PPFIA1: variants seen among roughly 807,000 people sequenced by gnomAD.
The protein encoded by PPFIA1 is liprin-alpha-1.
In PPFIA1, 25 loss-of-function variants were observed where a neutral mutation model predicts 149.9. The ratio of observed to expected loss-of-function variants is 0.17; its 90% CI spans 0.12 to 0.23. The LOEUF (loss-of-function observed/expected upper bound fraction) is 0.23, where lower values mean the gene tolerates loss of function less well. Among genes scored for constraint, PPFIA1 ranks in the 10% least tolerant of loss-of-function variants. The probability of loss-of-function intolerance (pLI) is 1.00; values close to 1 mark genes in which losing one functional copy is unlikely to be tolerated. For missense variants in PPFIA1, 1,362 were observed against 1,506.5 expected (o/e 0.90, Z 1.59); for synonymous variants, 549 against 552.8 (o/e 0.99, Z 0.10).
chr11:70,277,052 A>ATTTTT (rs2050432989), intron 2 of PPFIA1, among the ~76,000 whole-genome samples: 1 of 29,012 alleles, frequency 3.4e-5, no homozygotes, highest in African/African-American at 1.6e-4. Context: ...ATATATATAT[A>ATTTTT]TATATATATT....
chr11:70,357,524 T>C (rs1407207328), intron 19 of PPFIA1, among the ~76,000 whole-genome samples: 1 of 152,156 alleles, frequency 6.6e-6, no homozygotes, highest in Non-Finnish European at 1.5e-5. Context: ...TAAATGGAAA[T>C]TTATAGAAAC....
chr11:70,345,630 C>T (rs1248396761), intron 15 of PPFIA1, among the ~76,000 whole-genome samples: 1 of 151,856 alleles, frequency 6.6e-6, no homozygotes. Context: ...TCAGACCAGC[C>T]TTGGCAACAT....
intron 16 of PPFIA1, chr11:70,350,947 A>G (rs1240226737): frequency 3.5e-6 from 4 of 1,157,836 alleles, no homozygotes; most frequent in Non-Finnish European, 4.5e-6. Context: ...TTCAAAGTGT[A>G]TATAGTAAAT....
At chr11:70,274,180 A>C (rs900013947) in intron 2 of PPFIA1, among the ~76,000 whole-genome samples, 1 of 152,220 alleles carries the variant, frequency 6.6e-6, no homozygotes, top group Non-Finnish European at 1.5e-5. Context: ...CATCTGGTTC[A>C]TCTTTGGTGG....
intron 16 of PPFIA1, chr11:70,350,076 G>C: frequency 2.5e-6 from 1 of 393,688 alleles, no homozygotes; most frequent in Non-Finnish European, 5.0e-6. Context: ...TCATGTTTGT[G>C]AGTTTGTGCT....
Position 70,383,315 on chromosome 11 carries a change from T to A in PPFIA1, c.*325T>A. 4.1e-6 allele frequency: 1 copy of A among 246,602 alleles called. No homozygotes were observed. The highest frequency in any genetic ancestry group is 4.4e-5 in the South Asian group (1 of 22,718). The allele number at this position is 246,602 out of a possible 1,614,324, so 15.3% of individuals were successfully genotyped here. ...ACCTAATTTTAGTCTTTCAAATGAATGTACTGTAATGCTTGTATGTATAAA... is the reference window on the plus strand; with the variant it reads ...ACCTAATTTTAGTCTTTCAAATGAAAGTACTGTAATGCTTGTATGTATAAA... On this transcript the variant is annotated 3_prime_UTR_variant, in exon 28 of 28. Transcript: ENST00000253925.
chr11:70,284,210 G>T, intron 2 of PPFIA1: 1 of 396,934 alleles, frequency 2.5e-6, no homozygotes. Context: ...TGCCCCTTCA[G>T]ATGGTGCCCC....
chr11:70,282,942 C>T (rs995989616), intron 2 of PPFIA1, among the ~76,000 whole-genome samples: 11 of 149,928 alleles, frequency 7.3e-5, no homozygotes, highest in African/African-American at 1.5e-4. Context: ...CAGGTTCAAG[C>T]GATTCTCTTG....
chr11:70,346,961 T>C (rs2055739272), intron 15 of PPFIA1, among the ~76,000 whole-genome samples: 1 of 152,334 alleles, frequency 6.6e-6, no homozygotes, highest in Non-Finnish European at 1.5e-5. Context: ...AGCGTTAATC[T>C]TGAATTCCAA....
intron 23 of PPFIA1, 171 bp from the exon 24 acceptor site, chr11:70,374,747 C>T: frequency 1.7e-6 from 1 of 582,628 alleles, no homozygotes; most frequent in Non-Finnish European, 3.0e-6. Flanking sequence ...GCCAGGACAC[C>T]ATTGTCTCAG....
At chr11:70,299,908 G>A (rs1341188901) in intron 2 of PPFIA1, among the ~76,000 whole-genome samples, 2 of 152,202 alleles carry the variant, frequency 1.3e-5, no homozygotes, top group African/African-American at 2.4e-5. Flanking sequence ...CTCAGCCATC[G>A]CTTTGGGAGG....
intron 2 of PPFIA1, among the ~76,000 whole-genome samples, chr11:70,324,120 C>A (rs937544205): frequency 2.0e-5 from 3 of 152,236 alleles, no homozygotes; most frequent in Non-Finnish European, 1.5e-5. Flanking sequence ...ATGTTTTGGA[C>A]TTCTCTGGCT....
At chr11:70,315,654 C>T (rs1359841355) in intron 2 of PPFIA1, among the ~76,000 whole-genome samples, 1 of 143,932 alleles carries the variant, frequency 6.9e-6, no homozygotes, top group Non-Finnish European at 1.5e-5. Flanking sequence ...CAAGACTTTG[C>T]CTTCTGTGAA....
chr11:70,271,519 A>AT (rs57257907), intron 1 of PPFIA1, among the ~76,000 whole-genome samples: 28,568 of 149,756 alleles, frequency 0.19, 3,566 homozygotes, highest in African/African-American at 0.35. Flanking sequence ...TCCATTGTGG[A>AT]TTTTTTTTTT....
chr11:70,319,686 C>T (rs2053825563), intron 2 of PPFIA1, among the ~76,000 whole-genome samples: 1 of 152,180 alleles, frequency 6.6e-6, no homozygotes, highest in Non-Finnish European at 1.5e-5. Context: ...AAGGTGATTT[C>T]TATAGCCTTC....
At chr11:70,286,110 G>A (rs1172542949) in intron 2 of PPFIA1, among the ~76,000 whole-genome samples, 1 of 152,128 alleles carries the variant, frequency 6.6e-6, no homozygotes, top group Non-Finnish European at 1.5e-5. Flanking sequence ...TGCCTCGCAG[G>A]TGCCTTACCT....
chr11:70,313,661 C>G (rs896121996), intron 2 of PPFIA1, among the ~76,000 whole-genome samples: 9 of 152,132 alleles, frequency 5.9e-5, no homozygotes, highest in Admixed American at 5.9e-4. Context: ...CAACTGGATG[C>G]TGATGTCCAC....
intron 2 of PPFIA1, among the ~76,000 whole-genome samples, chr11:70,290,649 T>C (rs1464556660): frequency 6.6e-6 from 1 of 152,200 alleles, no homozygotes; most frequent in East Asian, 1.9e-4. Context: ...CTCATTCTTA[T>C]TCGGAGGAGG....
chr11:70,378,562 A>G (rs2057580678), intron 26 of PPFIA1: 1 of 596,024 alleles, frequency 1.7e-6, no homozygotes, highest in South Asian at 7.2e-5. Flanking sequence ...CTTCCAAACC[A>G]CATAATTTAC....
Sources: gnomAD v4.1 joint callset for allele counts (sites outside exome capture counted in the v4.1 genomes callset) on GRCh38, gnomAD v4.1.1 for gene constraint, MANE v1.5 for transcripts, NCBI Gene and HGNC (gene_info 2026-07-23, HGNC 2026-07-21) for gene names.